ESPL1: variants seen among roughly 807,000 people sequenced by gnomAD.
ESPL1 encodes the protein extra spindle pole bodies like 1, separase.
ESPL1 carries 50 observed loss-of-function variants against 217.2 expected under a neutral mutation model. The observed-to-expected ratio is 0.23, with a 90% CI of 0.18 to 0.29. The LOEUF is 0.29. Ranked by LOEUF, ESPL1 falls within the 10% of genes least tolerant of loss-of-function variation. The pLI, the probability that ESPL1 is intolerant of heterozygous loss-of-function variation, is 1.00. For missense variants in ESPL1, 1,834 were observed against 2,603.0 expected (o/e 0.70, Z 6.43); for synonymous variants, 994 against 1,081.3 (o/e 0.92, Z 1.58).
chr12:53,292,821 G>A lies in ESPL1; in HGVS notation c.6012G>A (p.Gly2004=), dbSNP rs1385191435. The A allele has an allele frequency of 6.2e-7, 1 of 1,609,592 alleles. No individual in the cohort carries two copies. The highest frequency in any genetic ancestry group is 8.5e-7 in the Non-Finnish European group (1 of 1,179,986). ...KHDLYIYAGH[G]AGARFLDGQA... ...TCTGCCTTAGCTATGCAGGGCATGG[G>A]GCTGGTGCCCGCTTCCTTGATGGGC... The change falls in exon 30 of 31, where the codon GGG becomes GGA. Residue 2004 remains glycine, a synonymous_variant. Coordinates refer to ENST00000257934, the MANE Select transcript of ESPL1 (RefSeq NM_012291.5). This position sits in a 1 kb window ranked among gnomAD's most constrained non-coding sequence, Gnocchi z 4.5.
rs199791601 is a variant in ESPL1, at chr12:53,270,554, C to G, written c.1248+72C>G. On this transcript the variant is annotated intron_variant, in intron 4 of 30. Coordinates refer to ENST00000257934, the MANE Select transcript of ESPL1 (RefSeq NM_012291.5). ...GGGTTGCTCCACTGCCCTCAAACAGCTTTGGGGTTGCTCCACTGCCCTCAA... is the reference window on the plus strand; with the variant it reads ...GGGTTGCTCCACTGCCCTCAAACAGGTTTGGGGTTGCTCCACTGCCCTCAA... 1 of 198,678 alleles carries G rather than the reference C, an allele frequency of 5.0e-6. No homozygotes were observed. The highest frequency in any genetic ancestry group is 3.2e-4 in the Admixed American group (1 of 3,126). The allele number at this position is 198,678 out of a possible 1,614,324, so 12.3% of individuals were successfully genotyped here.
chr12:53,272,157 C>A (rs1454496621), intron 5 of ESPL1, among the ~76,000 whole-genome samples: 1 of 151,950 alleles, frequency 6.6e-6, no homozygotes, highest in African/African-American at 2.4e-5. Context: ...TTGGATGTGT[C>A]GGTAAGCAAA....
In ESPL1 at chr12:53,269,182, G is replaced by A. The variant is rs750215499; in HGVS notation, c.240G>A (p.Leu80=). Residue 80 remains leucine, a synonymous_variant, in exon 3 of 31, where the codon CTG becomes CTA. Coordinates refer to ENST00000257934, the MANE Select transcript of ESPL1 (RefSeq NM_012291.5). This position sits in a 1 kb window ranked among gnomAD's most constrained non-coding sequence, Gnocchi z 6.7. The part of the protein sequence containing the change: ...HLGSLLELAE[L]ACDGYLVSTP... ...GGAGCCTGCTGGAGCTGGCAGAGCT[G>A]GCCTGTGATGGCTACTTAGTGTCTA... 2 of 1,614,148 alleles carry A rather than the reference G, an allele frequency of 1.2e-6. No homozygotes were observed. Among genetic ancestry groups the A allele is most frequent in the Non-Finnish European group, 1.7e-6 (2 of 1,180,030 alleles).
intron 25 of ESPL1, 49 bp downstream of exon 25, chr12:53,291,045 G>A: frequency 6.6e-7 from 1 of 1,504,324 alleles, no homozygotes. Context: ...GCTTGCACCT[G>A]TAATCCCAGC....
rs775588976 is a variant in ESPL1 at position 53,292,935 on chromosome 12, G to T, written c.6126G>T (p.Gly2042=). The change falls in exon 30 of 31, where the codon GGG becomes GGT. Residue 2042 remains glycine, a synonymous_variant. Coordinates refer to ENST00000257934, the MANE Select transcript of ESPL1 (RefSeq NM_012291.5). This position sits in a 1 kb window ranked among gnomAD's most constrained non-coding sequence, Gnocchi z 4.5. The part of the protein sequence containing the change: ...AALAVRGNLE[G]AGIVLKYIMA... ...TGGCTGTGCGTGGAAACCTGGAGGG[G>T]GCTGGCATCGTGCTCAAGTACATCA... is the stretch of plus-strand genomic sequence containing the variant. The T allele has an allele frequency of 3.7e-6, 6 of 1,613,796 alleles. No individual in the cohort carries two copies. The highest frequency in any genetic ancestry group is 3.3e-5 in the Admixed American group (2 of 59,992).
chr12:53,289,922 TG>T (rs1053905303), intron 22 of ESPL1, 162 bp from the exon 23 acceptor site: 1 of 699,146 alleles, frequency 1.4e-6, no homozygotes, highest in African/African-American at 1.8e-5. Context: ...TCATGGTCTC[TG>T]TGCACAGGGA....
At chr12:53,290,599 T>G in intron 24 of ESPL1, 130 bp downstream of exon 24, 3 of 902,838 alleles carry the variant, frequency 3.3e-6, no homozygotes, top group Non-Finnish European at 5.0e-6. Flanking sequence ...TAGACCTAAA[T>G]TTAAAAATAT....
At chr12:53,289,968 G>C (rs1368056864) in intron 22 of ESPL1, 117 bp from the exon 23 acceptor site, 2 of 1,176,112 alleles carry the variant, frequency 1.7e-6, no homozygotes, top group Non-Finnish European at 2.4e-6. Flanking sequence ...TTGACCTCTA[G>C]TGACCAGGGA....
In ESPL1 at chr12:53,288,032, G is replaced by C. The variant is rs1461103603; in HGVS notation, c.4237G>C (p.Glu1413Gln). 3 of 1,613,446 alleles carry C rather than the reference G, an allele frequency of 1.9e-6. No homozygotes were observed. Among genetic ancestry groups the C allele is most frequent in the Non-Finnish European group, 2.5e-6 (3 of 1,179,926 alleles). The change falls in exon 19 of 31, where the codon GAG becomes CAG. Residue 1413 changes from glutamate (E) to glutamine (Q), a missense_variant. Physicochemically the swap from Glu to Gln is conservative, Grantham distance 29. This residue lies in a region of ESPL1 where 681 missense variants were observed against 808.0 expected (regional missense o/e 0.84). Transcript: ENST00000257934. ...TGTCTCAGCTGAGGCCTGGCTGGCAGAGGAGCCTAAGAGACGGGGCACTGC... is the reference window on the plus strand; with the variant it reads ...TGTCTCAGCTGAGGCCTGGCTGGCACAGGAGCCTAAGAGACGGGGCACTGC... ...DPVSAEAWLA[E>Q]EPKRRGTASR...
Position 53,270,792 on chromosome 12 carries a change from A to T in ESPL1, c.1363A>T (p.Met455Leu), listed in dbSNP as rs1420209261. The change falls in exon 5 of 31, where the codon ATG becomes TTG. Residue 455 changes from methionine (M) to leucine (L), a missense_variant. Physicochemically the swap from Met to Leu is conservative, Grantham distance 15 (BLOSUM62 2). This residue lies in a region of ESPL1 where 746 missense variants were observed against 1,077.0 expected (regional missense o/e 0.69). Coordinates refer to ENST00000257934, the MANE Select transcript of ESPL1 (RefSeq NM_012291.5). The part of the protein sequence containing the change: ...SGQELTDHMG[M>L]TASYTSNLAY... ...CCAAGAGCTGACGGACCACATGGGG[A>T]TGACCGGTTAGTGCCCTGGGTCCCA... The T allele has an allele frequency of 6.2e-7, 1 of 1,614,000 alleles. No homozygotes were observed. The highest frequency in any genetic ancestry group is 1.3e-5 in the African/African-American group (1 of 74,914).
At position 53,292,117 on chromosome 12, in the gene ESPL1, T is replaced by C; in HGVS notation, c.5796+29T>C. ...GGGTTCAGGGCGTAGTGTCTGGGGA[T>C]GACTGGCGACTGGGGAAGACGTCAA... On this transcript the variant is annotated intron_variant, in intron 27 of 30. Coordinates refer to ENST00000257934, the MANE Select transcript of ESPL1 (RefSeq NM_012291.5). This position sits in a 1 kb window ranked among gnomAD's most constrained non-coding sequence, Gnocchi z 4.5. 6.4e-7 allele frequency: 1 copy of C among 1,568,334 alleles called. No homozygotes were observed. Among genetic ancestry groups the C allele is most frequent in the East Asian group, 2.2e-5 (1 of 44,674 alleles).
At chr12:53,278,878 A>C (rs2120923083) in intron 11 of ESPL1, among the ~76,000 whole-genome samples, 1 of 149,246 alleles carries the variant, frequency 6.7e-6, no homozygotes, top group Non-Finnish European at 1.5e-5. Context: ...GAGCCACCGC[A>C]CCCAGCTTTC....
At chr12:53,285,025 A>AAG (rs1274436268) in intron 17 of ESPL1, among the ~76,000 whole-genome samples, 52 of 136,328 alleles carry the variant, frequency 3.8e-4, no homozygotes, top group East Asian at 2.0e-3. Flanking sequence ...AAAAAAAAAA[A>AAG]AAGAAGAAAG....
Position 53,293,217 on chromosome 12 carries a change from C to A in ESPL1, c.6162-56C>A. 1.4e-6 allele frequency: 2 copies of A among 1,401,118 alleles called. No individual in the cohort carries two copies. The highest frequency in any genetic ancestry group is 1.2e-5 in the South Asian group (1 of 86,330). 86.8% of individuals were successfully genotyped at this position (1,401,118 alleles called of 1,614,324 possible). A position where few individuals can be genotyped will look rare whatever the true frequency, so the allele number is the denominator to read the frequency against. On this transcript the variant is annotated intron_variant, in intron 30 of 30. Coordinates refer to ENST00000257934, the MANE Select transcript of ESPL1 (RefSeq NM_012291.5). The surrounding 1 kb of genome is among the most constrained non-coding windows in gnomAD (Gnocchi z 4.2). ...CCACCCCCACCACCAATGGTGTTTT[C>A]CTATGTATTCTGTTTTAGAGCCCTT...
At chr12:53,291,351 G>A (rs1183069300) in intron 25 of ESPL1, among the ~76,000 whole-genome samples, 1 of 151,044 alleles carries the variant, frequency 6.6e-6, no homozygotes, top group Non-Finnish European at 1.5e-5. Flanking sequence ...CCAGCACTTT[G>A]GGAGGCCGAG....
At chr12:53,272,285 A>G (rs1433215791) in intron 5 of ESPL1, among the ~76,000 whole-genome samples, 1 of 152,148 alleles carries the variant, frequency 6.6e-6, no homozygotes, top group Non-Finnish European at 1.5e-5. Context: ...GGGGGAAAGG[A>G]AAAGTAGAGC....
At chr12:53,278,279 A>G (rs1330110471) in intron 11 of ESPL1, among the ~76,000 whole-genome samples, 1 of 152,042 alleles carries the variant, frequency 6.6e-6, no homozygotes, top group African/African-American at 2.4e-5. Context: ...TGTTAGCTTT[A>G]GTCTGGGCAA....
chr12:53,290,583 G>T, intron 24 of ESPL1, 114 bp downstream of exon 24: 1 of 1,090,898 alleles, frequency 9.2e-7, no homozygotes, highest in Non-Finnish European at 1.3e-6. Context: ...ATCCCTTCTG[G>T]AAGTGTAGAC....
At position 53,293,234 on chromosome 12, in the gene ESPL1, A is replaced by C; in HGVS notation, c.6162-39A>C. ...GGTGTTTTCCTATGTATTCTGTTTT[A>C]GAGCCCTTACTTTGTATTTCCTCCT... On this transcript the variant is annotated intron_variant, in intron 30 of 30. Coordinates refer to ENST00000257934, the MANE Select transcript of ESPL1 (RefSeq NM_012291.5). The surrounding 1 kb of genome is among the most constrained non-coding windows in gnomAD (Gnocchi z 4.2). 2 of 1,545,186 alleles carry C rather than the reference A, an allele frequency of 1.3e-6. No individual in the cohort carries two copies. The highest frequency in any genetic ancestry group is 8.9e-7 in the Non-Finnish European group (1 of 1,117,494).
Sources: gnomAD v4.1 joint callset for allele counts (sites outside exome capture counted in the v4.1 genomes callset) on GRCh38, gnomAD v4.1.1 for gene constraint, gnomAD v4.1.1 regional missense constraint, Gnocchi (gnomAD v3.1) non-coding constraint, MANE v1.5 for transcripts, NCBI Gene and HGNC (gene_info 2026-07-23, HGNC 2026-07-21) for gene names.